Variants in CDH2 observed in about 807,000 individuals in gnomAD.
CDH2 encodes the protein cadherin 2.
Under a neutral mutation model 92.0 loss-of-function variants are expected in CDH2, and 17 were observed. That is an observed-to-expected ratio of 0.18 (90% confidence interval 0.13 to 0.28). The LOEUF (loss-of-function observed/expected upper bound fraction) is 0.28, where lower values mean the gene tolerates loss of function less well. CDH2 is among the 10% of genes least tolerant of loss of function. The probability of loss-of-function intolerance (pLI) is 1.00; values close to 1 mark genes in which losing one functional copy is unlikely to be tolerated. For synonymous variants in CDH2, 419 were observed against 415.9 expected (o/e 1.01, Z -0.09); for missense variants, 862 against 1,133.1 (o/e 0.76, Z 3.44).
chr18:28,142,482 T>C (rs2015970003), intron 2 of CDH2, among the ~76,000 whole-genome samples: 1 of 150,778 alleles, frequency 6.6e-6, no homozygotes, highest in East Asian at 1.9e-4. Flanking sequence ...GAAATAAGGA[T>C]TGAAATAGAA....
intron 2 of CDH2, among the ~76,000 whole-genome samples, chr18:28,038,225 C>A (rs2013875262): frequency 6.6e-6 from 1 of 152,080 alleles, no homozygotes; most frequent in Admixed American, 6.6e-5. Context: ...GAGTTCGAGA[C>A]CAGCCTGGGC....
intron 2 of CDH2, among the ~76,000 whole-genome samples, chr18:28,025,174 A>C (rs979728868): frequency 2.0e-5 from 3 of 152,124 alleles, no homozygotes; most frequent in African/African-American, 7.2e-5. Flanking sequence ...AGTGTTATGC[A>C]GGAGACCTCT....
At chr18:27,986,457 C>T (rs1472954828) in intron 11 of CDH2, among the ~76,000 whole-genome samples, 3 of 152,094 alleles carry the variant, frequency 2.0e-5, no homozygotes, top group Non-Finnish European at 4.4e-5. Context: ...AAATATTGGT[C>T]GGCCTGACCT....
rs1909473906 is a variant in CDH2 at position 27,951,900 on chromosome 18, G to A, written c.*253C>T. 1 of 466,682 alleles carries A rather than the reference G, an allele frequency of 2.1e-6. No homozygotes were observed. 28.9% of individuals were successfully genotyped at this position (466,682 alleles called of 1,614,324 possible). On this transcript the variant is annotated 3_prime_UTR_variant, in exon 16 of 16. Coordinates refer to ENST00000269141, the MANE Select transcript of CDH2 (RefSeq NM_001792.5). ...AGAAAACTAATTCCAATCTGAAAAA[G>A]GTACAAAAAGGCACATAAAATCCCA...
At chr18:28,161,690 A>G (rs1394082292) in intron 1 of CDH2, among the ~76,000 whole-genome samples, 1 of 151,918 alleles carries the variant, frequency 6.6e-6, no homozygotes, top group Non-Finnish European at 1.5e-5. Flanking sequence ...GGGAGTTGCC[A>G]CATTTTGGAA....
chr18:28,043,155 G>C (rs2013982066), intron 2 of CDH2, among the ~76,000 whole-genome samples: 1 of 151,982 alleles, frequency 6.6e-6, no homozygotes, highest in African/African-American at 2.4e-5. Context: ...GCAGCAACTT[G>C]GATGGAGCTG....
At chr18:28,012,070 T>C in intron 3 of CDH2, 78 bp from the exon 4 acceptor site, 1 of 1,209,472 alleles carries the variant, frequency 8.3e-7, no homozygotes, top group East Asian at 2.4e-5. Flanking sequence ...ATTGAATACC[T>C]GAAAGCATAG....
rs573847234 is a variant in CDH2 at position 27,940,294 on chromosome 18, G to A, written c.1152-7170C>T. 4.6e-5 allele frequency among the ~76,000 whole-genome samples: 7 copies of A among 152,242 alleles called. No homozygotes were observed. In the South Asian group the frequency reaches 8.3e-4, roughly 18 times the overall value. On this transcript the variant is annotated intron_variant, in intron 6 of 6. Coordinates refer to the CDH2 transcript ENST00000675173. The stretch of plus-strand genomic sequence containing the variant: ...AATACTTTTAGGCAAATCCAGACTC[G>A]CTCTTCTCTTGGGTAATCCTGCATG...
intron 2 of CDH2, among the ~76,000 whole-genome samples, chr18:28,098,260 G>C (rs2015169422): frequency 6.6e-6 from 1 of 151,848 alleles, no homozygotes. Flanking sequence ...ATATCATTTA[G>C]GAAAAATGCA....
chr18:28,074,991 C>G (rs1226089077), intron 2 of CDH2, among the ~76,000 whole-genome samples: 1 of 152,050 alleles, frequency 6.6e-6, no homozygotes, highest in African/African-American at 2.4e-5. Context: ...TCAAATTAGC[C>G]ACTGTGGGGC....
At chr18:28,050,599 A>G (rs147144325) in intron 2 of CDH2, among the ~76,000 whole-genome samples, 1 of 152,322 alleles carries the variant, frequency 6.6e-6, no homozygotes, top group East Asian at 1.9e-4. Flanking sequence ...TTTAATACTT[A>G]CCATATTTCA....
At chr18:28,086,957 C>A (rs1169894433) in intron 2 of CDH2, among the ~76,000 whole-genome samples, 1 of 152,184 alleles carries the variant, frequency 6.6e-6, no homozygotes, top group African/African-American at 2.4e-5. Context: ...AGGCCTCCTA[C>A]TTTGCATACA....
chr18:28,115,098 C>T (rs942306801), intron 2 of CDH2, among the ~76,000 whole-genome samples: 23 of 152,074 alleles, frequency 1.5e-4, no homozygotes, highest in African/African-American at 5.6e-4. Context: ...GGGCTGAGAA[C>T]CTTGGAGTGG....
At chr18:28,008,173 T>C (rs1437766158) in intron 5 of CDH2, among the ~76,000 whole-genome samples, 1 of 152,188 alleles carries the variant, frequency 6.6e-6, no homozygotes, top group African/African-American at 2.4e-5. Flanking sequence ...TCCTTAAGAA[T>C]TTTAAATTGA....
intron 2 of CDH2, among the ~76,000 whole-genome samples, chr18:28,123,737 AG>A (rs1314535062): frequency 6.6e-6 from 1 of 152,138 alleles, no homozygotes; most frequent in Non-Finnish European, 1.5e-5. Flanking sequence ...CACTAAATAA[AG>A]GGTTCTGAAT....
chr18:28,035,829 G>A (rs186978794), intron 2 of CDH2, among the ~76,000 whole-genome samples: 205 of 152,184 alleles, frequency 1.3e-3, no homozygotes, highest in South Asian at 3.9e-3. Flanking sequence ...GGCACTGTGA[G>A]CGAGTTGAAA....
intron 2 of CDH2, among the ~76,000 whole-genome samples, chr18:28,112,816 C>G (rs1327766808): frequency 6.6e-6 from 1 of 152,116 alleles, no homozygotes; most frequent in African/African-American, 2.4e-5. Context: ...CTCCTTATTT[C>G]CACAGGCTGG....
intron 2 of CDH2, among the ~76,000 whole-genome samples, chr18:28,088,104 A>T (rs1366831471): frequency 6.6e-6 from 1 of 152,220 alleles, no homozygotes; most frequent in East Asian, 1.9e-4. Flanking sequence ...AAAATTAAAT[A>T]CTACCTTGAT....
At chr18:28,033,522 G>C (rs919698626) in intron 2 of CDH2, among the ~76,000 whole-genome samples, 3 of 151,900 alleles carry the variant, frequency 2.0e-5, no homozygotes, top group Admixed American at 2.0e-4. Flanking sequence ...TGTAACAGAT[G>C]TATCTGACAG....
Sources: gnomAD v4.1 joint callset for allele counts (sites outside exome capture counted in the v4.1 genomes callset) on GRCh38, gnomAD v4.1.1 for gene constraint, MANE v1.5 for transcripts, NCBI Gene and HGNC (gene_info 2026-07-23, HGNC 2026-07-21) for gene names.